Variants in MICAL3 observed in about 807,000 individuals in gnomAD.
MICAL3 encodes [F-actin]-monooxygenase MICAL3.
Under a neutral mutation model 207.4 loss-of-function variants are expected in MICAL3, and 62 were observed. The observed-to-expected ratio is 0.30, with a 90% CI of 0.24 to 0.37. The LOEUF is 0.37. Ranked by LOEUF, MICAL3 falls within the 10% of genes least tolerant of loss-of-function variation. MICAL3 has a pLI of 1.00. For missense variants in MICAL3, 2,368 were observed against 2,635.6 expected, an observed-to-expected ratio of 0.90 and a Z score of 2.22; for synonymous variants, 1,077 against 1,069.3, an observed-to-expected ratio of 1.01 and a Z score of -0.14.
intron 19 of MICAL3, chr22:17,864,550 C>T: frequency 6.9e-7 from 1 of 1,442,900 alleles, no homozygotes; most frequent in Non-Finnish European, 9.1e-7. Flanking sequence ...CGCCTGCGAG[C>T]TCCTGTCTAC....
intron 1 of MICAL3, among the ~76,000 whole-genome samples, chr22:17,948,871 C>T (rs1934197106): frequency 7.0e-6 from 1 of 142,572 alleles, no homozygotes; most frequent in Non-Finnish European, 1.5e-5. Flanking sequence ...CAAGATCGTG[C>T]CACTGCACTC....
chr22:17,913,440 A>G (rs1602208009), intron 1 of MICAL3, among the ~76,000 whole-genome samples: 1 of 152,290 alleles, frequency 6.6e-6, no homozygotes, highest in East Asian at 1.9e-4. Context: ...ACCTGGACAC[A>G]TGTTAGAGAA....
intron 17 of MICAL3, among the ~76,000 whole-genome samples, chr22:17,868,675 C>T (rs909352467): frequency 6.6e-6 from 1 of 151,694 alleles, no homozygotes; most frequent in Non-Finnish European, 1.5e-5. Context: ...ATTAAGGAAT[C>T]CTGATAACTG....
intron 28 of MICAL3, among the ~76,000 whole-genome samples, chr22:17,810,397 C>A (rs7284144): frequency 0.014 from 2,101 of 152,044 alleles, 37 homozygotes; most frequent in African/African-American, 0.048. Context: ...GGGGTTTTGC[C>A]ATGTTGGCCA....
Position 17,864,891 on chromosome 22 carries a change from G to A in MICAL3, c.2605+8C>T. ...GCGCCACCCAGCCAAACAAGGAAGTGAGGCTACCTGGGGTTCTCTCAGTGG... is the reference window on the plus strand; with the variant it reads ...GCGCCACCCAGCCAAACAAGGAAGTAAGGCTACCTGGGGTTCTCTCAGTGG... On this transcript the variant is annotated splice_region_variant and intron_variant, in intron 19 of 31. Transcript: ENST00000441493. The A allele has an allele frequency of 1.2e-6, 2 of 1,613,890 alleles. No individual in the cohort carries two copies. The highest frequency in any genetic ancestry group is 1.1e-5 in the South Asian group (1 of 91,082).
intron 1 of MICAL3, among the ~76,000 whole-genome samples, chr22:17,917,695 T>C (rs550593981): frequency 3.0e-4 from 46 of 152,276 alleles, no homozygotes; most frequent in African/African-American, 1.0e-3. Context: ...CCACATGGCC[T>C]CTCTCCTGCT....
In MICAL3 at chr22:17,902,675, T is replaced by C. The variant is rs1324864994; in HGVS notation, c.545A>G (p.Glu182Gly). ...ILGIEIHVNV[E>G]FQGLIQPPED... ...AGGAGGCTGTATAAGTCCTTGGAAT[T>C]CCACATTGACGTGGATTTCAATGCC... Residue 182 changes from glutamate to glycine, a missense_variant, in exon 4 of 32, where the codon GAA (glutamate) becomes GGA (glycine). Glu to Gly is a moderately conservative substitution (Grantham distance 98). Transcript: ENST00000441493. The surrounding 1 kb of genome is among the most constrained non-coding windows in gnomAD (Gnocchi z 4.5). 6.2e-7 allele frequency: 1 copy of C among 1,608,458 alleles called. No individual in the cohort carries two copies. Among genetic ancestry groups the C allele is most frequent in the Non-Finnish European group, 8.5e-7 (1 of 1,177,130 alleles).
chr22:17,995,027 G>T (rs945548206), intron 1 of MICAL3, among the ~76,000 whole-genome samples: 1 of 152,120 alleles, frequency 6.6e-6, no homozygotes, highest in African/African-American at 2.4e-5. Context: ...GCGCTAGAGA[G>T]ACACGGCCTA....
chr22:17,949,268 G>A (rs970714127), intron 1 of MICAL3, among the ~76,000 whole-genome samples: 1 of 152,148 alleles, frequency 6.6e-6, no homozygotes, highest in Admixed American at 6.5e-5. Context: ...TCCAACTAAC[G>A]TAACTGAACA....
intron 1 of MICAL3, among the ~76,000 whole-genome samples, chr22:17,957,284 C>G (rs1934661088): frequency 6.6e-6 from 1 of 152,226 alleles, no homozygotes; most frequent in South Asian, 2.1e-4. Context: ...GATGGCCATG[C>G]AGCTGGCTAC....
intron 19 of MICAL3, among the ~76,000 whole-genome samples, chr22:17,851,915 T>A (rs1180640321): frequency 1.3e-5 from 2 of 152,208 alleles, no homozygotes; most frequent in African/African-American, 4.8e-5. Flanking sequence ...TGTTGACACG[T>A]GGCGGGTGAA....
At chr22:17,804,490 A>T (rs2061970381) in intron 29 of MICAL3, among the ~76,000 whole-genome samples, 1 of 152,222 alleles carries the variant, frequency 6.6e-6, no homozygotes, top group Admixed American at 6.5e-5. Context: ...TAACAACAGG[A>T]AACGAGCAGA....
At chr22:17,879,346 C>T in intron 16 of MICAL3, 1 of 1,608,748 alleles carries the variant, frequency 6.2e-7, no homozygotes, top group Non-Finnish European at 8.5e-7. Flanking sequence ...GCTCTTTTAC[C>T]CTCTCATGGT....
intron 16 of MICAL3, among the ~76,000 whole-genome samples, chr22:17,875,806 A>AG (rs551583733): frequency 5.1e-4 from 78 of 151,878 alleles, no homozygotes; most frequent in African/African-American, 1.7e-3. Flanking sequence ...GCGGTCCCGC[A>AG]GCTGTGGGCC....
intron 18 of MICAL3, among the ~76,000 whole-genome samples, chr22:17,865,700 G>A (rs574489022): frequency 3.3e-5 from 5 of 152,356 alleles, no homozygotes; most frequent in Admixed American, 6.5e-5. Context: ...TCCTGGGTCC[G>A]ACTCAGGGGG....
At chr22:17,919,459 A>C (rs1659974951) in intron 1 of MICAL3, among the ~76,000 whole-genome samples, 1 of 152,216 alleles carries the variant, frequency 6.6e-6, no homozygotes, top group Non-Finnish European at 1.5e-5. Flanking sequence ...TGCACCTGGA[A>C]CAGTCCCTGG....
In MICAL3 at chr22:17,818,781, C is replaced by A. The variant is rs1921242855; in HGVS notation, c.3880G>T (p.Ala1294Ser). ...PAPAKTSTPL[A>S]PLPVQSQSDT... ...CTTTGGCTTTGGACAGGGAGAGGGG[C>A]CAGTGGGGTGGATGTTTTGGCCGGG... Residue 1294 changes from alanine (A) to serine (S), a missense_variant, in exon 26 of 32, where the codon GCC becomes TCC. Transcript: ENST00000441493. 3 of 1,583,802 alleles carry A rather than the reference C, an allele frequency of 1.9e-6. No individual in the cohort carries two copies. The African/African-American group carries it at 4.0e-5, about 21-fold the overall frequency.
chr22:17,994,103 A>T (rs550136220), intron 1 of MICAL3, among the ~76,000 whole-genome samples: 47 of 152,284 alleles, frequency 3.1e-4, no homozygotes, highest in African/African-American at 1.1e-3. Context: ...AGCATCTCTG[A>T]TGCTGCCATC....
intron 2 of MICAL3, 26 bp from the exon 3 acceptor site, chr22:17,904,865 C>T (rs766425036): frequency 1.3e-6 from 2 of 1,532,048 alleles, no homozygotes; most frequent in East Asian, 4.5e-5. Context: ...GCTTTCAGGG[C>T]AGGCGGCACT....
Sources: allele counts gnomAD v4.1 joint callset (sites outside exome capture counted in the v4.1 genomes callset), GRCh38; gene constraint gnomAD v4.1.1; non-coding constraint Gnocchi (gnomAD v3.1); transcripts MANE v1.5; gene names NCBI Gene and HGNC (gene_info 2026-07-23, HGNC 2026-07-21).